ARHGAP17: variants seen among roughly 807,000 people sequenced by gnomAD.
ARHGAP17 encodes the protein rho GTPase-activating protein 17.
ARHGAP17 carries 57 observed loss-of-function variants against 99.5 expected under a neutral mutation model. That is an observed-to-expected ratio of 0.57 (90% CI 0.46 to 0.71). The LOEUF is 0.71. ARHGAP17 is among the 30% of genes least tolerant of loss of function. ARHGAP17 has a pLI of 0.00. For synonymous variants in ARHGAP17, 417 were observed against 429.6 expected, an observed-to-expected ratio of 0.97 and a Z score of 0.36; for missense variants, 1,000 against 1,122.4, an observed-to-expected ratio of 0.89 and a Z score of 1.56.
chr16:24,987,864 C>T (rs941615366), intron 1 of ARHGAP17, among the ~76,000 whole-genome samples: 10 of 152,172 alleles, frequency 6.6e-5, no homozygotes, highest in Non-Finnish European at 1.0e-4. Context: ...AAATATCTGA[C>T]GCATTTTTGA....
At chr16:24,990,297 C>A (rs1249371969) in intron 1 of ARHGAP17, among the ~76,000 whole-genome samples, 1 of 152,022 alleles carries the variant, frequency 6.6e-6, no homozygotes, top group Non-Finnish European at 1.5e-5. Context: ...CCAGCCTGGG[C>A]AAGACAGGGA....
rs1187209033 is a variant in ARHGAP17, at chr16:24,919,982, C to G, written c.*148G>C. On this transcript the variant is annotated 3_prime_UTR_variant, in exon 20 of 20. Transcript: ENST00000289968. ...GGTGGCCTCCAGGTTCTCCTTGGGCCGTGCAGAAGGCCAGGTCCCGCACAG... is the reference window on the plus strand; with the variant it reads ...GGTGGCCTCCAGGTTCTCCTTGGGCGGTGCAGAAGGCCAGGTCCCGCACAG... The G allele has an allele frequency of 2.6e-6, 3 of 1,155,990 alleles. No homozygotes were observed. The highest frequency in any genetic ancestry group is 3.6e-6 in the Non-Finnish European group (3 of 829,026). The allele number at this position is 1,155,990 out of a possible 1,614,324, so 71.6% of individuals were successfully genotyped here. A position where few individuals can be genotyped will look rare whatever the true frequency, so the allele number is the denominator to read the frequency against.
chr16:24,952,768 T>C (rs1000947473), intron 11 of ARHGAP17, among the ~76,000 whole-genome samples, 163 bp downstream of exon 11: 11 of 152,222 alleles, frequency 7.2e-5, no homozygotes, highest in African/African-American at 2.7e-4. Context: ...AGACACAGTG[T>C]ACATTACATT....
chr16:25,015,301 G>A lies in ARHGAP17; in HGVS notation c.-40C>T. 3.1e-6 allele frequency: 4 copies of A among 1,303,648 alleles called. No homozygotes were observed. The highest frequency in any genetic ancestry group is 3.9e-6 in the Non-Finnish European group (4 of 1,019,992). 80.8% of individuals were successfully genotyped at this position (1,303,648 alleles called of 1,614,324 possible). A position where few individuals can be genotyped will look rare whatever the true frequency, so the allele number is the denominator to read the frequency against. On this transcript the variant is annotated 5_prime_UTR_variant, in exon 1 of 20. Transcript: ENST00000289968. Reference sequence around the variant, plus strand: ...CGGCGGCCCGCGGGGCTCGGGCCGGGCAGGGCGGGGGACAGCCTGGCAGCT... The same window carrying A: ...CGGCGGCCCGCGGGGCTCGGGCCGGACAGGGCGGGGGACAGCCTGGCAGCT...
At chr16:24,941,937 G>T in intron 16 of ARHGAP17, 50 bp downstream of exon 16, 1 of 1,612,222 alleles carries the variant, frequency 6.2e-7, no homozygotes. Flanking sequence ...GATACCACGG[G>T]TCTAACAACA....
In ARHGAP17 at chr16:24,931,135, C is replaced by T. The variant is rs773116626; in HGVS notation, c.2164G>A (p.Ala722Thr). Residue 722 changes from alanine to threonine, a missense_variant, in exon 19 of 20, where the codon GCC (alanine) becomes ACC (threonine). By Grantham distance (58) the Ala-to-Thr change is moderately conservative (BLOSUM62 0). Around this residue, in one of 2 missense-constraint regions of ARHGAP17, gnomAD observed 528 missense variants for 511.4 expected, o/e 1.03. Coordinates refer to ENST00000289968, the MANE Select transcript of ARHGAP17 (RefSeq NM_001006634.3). ...GGTTTGGTGTGCATCAGTGGCGTGGCCTGCGTAGGGGGCTGCGGCGGTGGG... is the reference window on the plus strand; with the variant it reads ...GGTTTGGTGTGCATCAGTGGCGTGGTCTGCGTAGGGGGCTGCGGCGGTGGG... ...NHPPPQPPTQ[A>T]TPLMHTKPNS... 2 of 1,605,820 alleles carry T rather than the reference C, an allele frequency of 1.2e-6. No homozygotes were observed. Among genetic ancestry groups the T allele is most frequent in the Admixed American group, 1.7e-5 (1 of 59,152 alleles).
chr16:24,929,935 G>A (rs533543313), intron 19 of ARHGAP17, among the ~76,000 whole-genome samples: 1 of 152,228 alleles, frequency 6.6e-6, no homozygotes, highest in East Asian at 1.9e-4. Context: ...CCTCCACTTA[G>A]AACAATTTAA....
At chr16:24,981,932 G>A (rs1016795685) in intron 1 of ARHGAP17, among the ~76,000 whole-genome samples, 3 of 152,000 alleles carry the variant, frequency 2.0e-5, no homozygotes, top group Non-Finnish European at 4.4e-5. Flanking sequence ...CTGCTTTAGA[G>A]GTACTTTACA....
intron 1 of ARHGAP17, among the ~76,000 whole-genome samples, chr16:24,987,237 T>C (rs534762982): frequency 6.6e-6 from 1 of 152,354 alleles, no homozygotes; most frequent in Non-Finnish European, 1.5e-5. Flanking sequence ...CCTTTATTTA[T>C]GGACACTGAA....
chr16:24,974,545 C>T lies in ARHGAP17; in HGVS notation c.198+2670G>A, dbSNP rs372324336. Reference sequence around the variant, plus strand: ...GTCTCTACACATTTCCATATGCCCCCAGGGGTGTAATTCTGGTCCCTGTTA... The same window carrying T: ...GTCTCTACACATTTCCATATGCCCCTAGGGGTGTAATTCTGGTCCCTGTTA... On this transcript the variant is annotated intron_variant, in intron 3 of 19. Coordinates refer to ENST00000289968, the MANE Select transcript of ARHGAP17 (RefSeq NM_001006634.3). Among the ~76,000 whole-genome samples, 16 of 152,276 alleles carry T rather than the reference C, an allele frequency of 1.1e-4. No individual in the cohort carries two copies. The South Asian group carries it at 3.3e-3, about 32-fold the overall frequency.
chr16:24,977,055 A>G (rs1449510785), intron 3 of ARHGAP17, among the ~76,000 whole-genome samples, 160 bp downstream of exon 3: 6 of 152,230 alleles, frequency 3.9e-5, no homozygotes, highest in Admixed American at 2.0e-4. Flanking sequence ...CTTAAACACA[A>G]AAGAATGCTA....
chr16:24,972,692 G>GACT (rs557628083), intron 3 of ARHGAP17: 2 of 152,088 alleles, frequency 1.3e-5, no homozygotes, highest in Non-Finnish European at 2.9e-5. Flanking sequence ...GGAACTCTAG[G>GACT]AGTCTATGGA....
At chr16:24,991,736 T>C (rs1343254309) in intron 1 of ARHGAP17, among the ~76,000 whole-genome samples, 5 of 152,158 alleles carry the variant, frequency 3.3e-5, no homozygotes, top group Non-Finnish European at 7.4e-5. Flanking sequence ...TGAGCATGCA[T>C]TCACAGAGAA....
intron 3 of ARHGAP17, among the ~76,000 whole-genome samples, chr16:24,974,918 G>A (rs924042950): frequency 6.6e-5 from 10 of 152,200 alleles, no homozygotes; most frequent in South Asian, 4.1e-4. Context: ...AGGCCAAGGC[G>A]GGAGAACTGC....
intron 19 of ARHGAP17, among the ~76,000 whole-genome samples, chr16:24,929,975 C>T (rs1267339983): frequency 6.6e-6 from 1 of 152,142 alleles, no homozygotes; most frequent in Non-Finnish European, 1.5e-5. Context: ...TTATTTGAGG[C>T]CCCTAATTAC....
intron 6 of ARHGAP17, among the ~76,000 whole-genome samples, chr16:24,966,630 T>TA (rs963581875): frequency 1.8e-3 from 252 of 141,956 alleles, no homozygotes; most frequent in Non-Finnish European, 2.0e-3. Context: ...GACTCCATCT[T>TA]AAAAAAAAAA....
In ARHGAP17 at chr16:25,015,206, C is replaced by A. The variant is rs1156621409; in HGVS notation, c.53+3G>T. ...CGACCCCCGTGCTGCCCGGCGCACTCGCCTGCCCACGGTCTGGTTAGCCAG... is the reference window on the plus strand; with the variant it reads ...CGACCCCCGTGCTGCCCGGCGCACTAGCCTGCCCACGGTCTGGTTAGCCAG... On this transcript the variant is annotated splice_donor_region_variant and intron_variant, in intron 1 of 19. Transcript: ENST00000289968. The A allele has an allele frequency of 7.5e-7, 1 of 1,330,660 alleles. No individual in the cohort carries two copies. The allele number at this position is 1,330,660 out of a possible 1,614,324, so 82.4% of individuals were successfully genotyped here. A position where few individuals can be genotyped will look rare whatever the true frequency, so the allele number is the denominator to read the frequency against.
chr16:24,987,518 G>A (rs1326758464), intron 1 of ARHGAP17, among the ~76,000 whole-genome samples: 1 of 152,222 alleles, frequency 6.6e-6, no homozygotes, highest in South Asian at 2.1e-4. Context: ...GTTGAGAGAC[G>A]CTGGCTTTTC....
At chr16:24,923,543 G>A (rs1440177684) in intron 19 of ARHGAP17, among the ~76,000 whole-genome samples, 1 of 152,066 alleles carries the variant, frequency 6.6e-6, no homozygotes, top group Non-Finnish European at 1.5e-5. Flanking sequence ...CAGGCAACAT[G>A]AGACTCCGTC....
Sources: allele counts gnomAD v4.1 joint callset (sites outside exome capture counted in the v4.1 genomes callset), GRCh38; gene constraint gnomAD v4.1.1; regional missense constraint gnomAD v4.1.1; transcripts MANE v1.5; gene names NCBI Gene and HGNC (gene_info 2026-07-23, HGNC 2026-07-21).